SAMSN1: variants seen among roughly 807,000 people sequenced by gnomAD.
SAMSN1 encodes the protein SAM domain, SH3 domain and nuclear localization signals 1.
In SAMSN1, 31 loss-of-function variants were observed where a neutral mutation model predicts 42.0. The observed-to-expected ratio is 0.74, with a 90% CI of 0.55 to 1.00. The LOEUF is 1.00. Ranked by LOEUF, SAMSN1 falls within the 50% of genes least tolerant of loss-of-function variation. The probability of loss-of-function intolerance (pLI) is 0.00; values close to 1 mark genes in which losing one functional copy is unlikely to be tolerated. For synonymous variants in SAMSN1, 178 were observed against 151.9 expected (o/e 1.17, Z -1.26); for missense variants, 464 against 439.4 (o/e 1.06, Z -0.50).
At chr21:14,556,707 A>G (rs1980773118) in intron 2 of SAMSN1, among the ~76,000 whole-genome samples, 1 of 152,196 alleles carries the variant, frequency 6.6e-6, no homozygotes. Flanking sequence ...TCGGAAGCCT[A>G]CCTGCATTCT....
chr21:14,572,560 G>A (rs1034655951), intron 2 of SAMSN1, among the ~76,000 whole-genome samples: 1 of 152,188 alleles, frequency 6.6e-6, no homozygotes, highest in Admixed American at 6.6e-5. Context: ...TGCTGTTTGG[G>A]ATCTCAGGTA....
intron 1 of SAMSN1, among the ~76,000 whole-genome samples, chr21:14,539,170 C>T (rs1568797133): frequency 6.6e-6 from 1 of 152,286 alleles, no homozygotes; most frequent in Non-Finnish European, 1.5e-5. Context: ...AAATGAGTTA[C>T]AGTTGTACTG....
At position 14,622,386 on chromosome 21, in the gene SAMSN1, C is replaced by T. The variant is rs533456199; in HGVS notation, c.157-6370G>A. On this transcript the variant is annotated intron_variant, in intron 2 of 15. Coordinates refer to the SAMSN1 transcript ENST00000647101. Reference sequence around the variant, plus strand: ...CTAAAAAGCTTGGGAAAAGATTAGACGAATGGCTAACTAGAATAACCAGTG... The same window carrying T: ...CTAAAAAGCTTGGGAAAAGATTAGATGAATGGCTAACTAGAATAACCAGTG... Among the ~76,000 whole-genome samples the T allele has an allele frequency of 5.3e-5, 8 of 152,046 alleles. No individual in the cohort carries two copies. In the East Asian group the frequency reaches 5.8e-4, roughly 11 times the overall value.
intron 2 of SAMSN1, among the ~76,000 whole-genome samples, chr21:14,554,698 C>CTTTTTTTTT (rs34880996): frequency 7.7e-6 from 1 of 130,536 alleles, no homozygotes; most frequent in Non-Finnish European, 1.6e-5. Flanking sequence ...TTTTCTTTTT[C>CTTTTTTTTT]TTTTTTTTTT....
intron 2 of SAMSN1, among the ~76,000 whole-genome samples, chr21:14,566,212 C>T (rs1981110373): frequency 6.6e-6 from 1 of 152,158 alleles, no homozygotes; most frequent in South Asian, 2.1e-4. Flanking sequence ...ACAAATATAG[C>T]TATCAAATTT....
At chr21:14,541,252 C>T (rs937069460) in intron 1 of SAMSN1, among the ~76,000 whole-genome samples, 2 of 151,698 alleles carry the variant, frequency 1.3e-5, no homozygotes, top group Admixed American at 1.3e-4. Flanking sequence ...GCACATGTAC[C>T]CTAGAACTTA....
chr21:14,641,410 G>A (rs1251243102), intron 2 of SAMSN1, among the ~76,000 whole-genome samples: 2 of 152,062 alleles, frequency 1.3e-5, no homozygotes, highest in Non-Finnish European at 2.9e-5. Context: ...GAACAAAATA[G>A]GTATATGTGA....
rs560161039 is a variant in SAMSN1, at chr21:14,618,696, G to A, written c.157-2680C>T. Among the ~76,000 whole-genome samples the A allele has an allele frequency of 2.8e-3, 340 of 122,404 alleles. 4 individuals are homozygous for A. In the East Asian group the frequency reaches 0.028, roughly 10 times the overall value. The allele number at this position is 122,404 out of a possible 152,430, so 80.3% of individuals were successfully genotyped here. On this transcript the variant is annotated intron_variant, in intron 2 of 15. Coordinates refer to the SAMSN1 transcript ENST00000647101. ...TGTGTGTGTGTGTGTGTGTGTGCGC[G>A]CGCGCGCACGCGCGTGTGTGTGTGT...
rs796203283 is a variant in SAMSN1, at chr21:14,611,867, A to G, written c.235+1009T>C. 2.4e-4 allele frequency among the ~76,000 whole-genome samples: 37 copies of G among 152,326 alleles called. 1 individual carries two copies. The highest frequency in any genetic ancestry group is 8.9e-4 in the African/African-American group (37 of 41,584). The stretch of plus-strand genomic sequence containing the variant: ...GTTTTTAAAAAAGAATGAAATGAGT[A>G]TGAGCACCTGACTCCTCTGCTGGGG... On this transcript the variant is annotated intron_variant, in intron 4 of 15. Transcript: ENST00000647101.
chr21:14,624,762 C>T (rs1446727777), intron 2 of SAMSN1, among the ~76,000 whole-genome samples: 1 of 152,142 alleles, frequency 6.6e-6, no homozygotes, highest in Non-Finnish European at 1.5e-5. Flanking sequence ...AGGGAATCCT[C>T]CCTAACTCAT....
chr21:14,553,103 G>A (rs1039336853), intron 2 of SAMSN1, among the ~76,000 whole-genome samples: 1 of 151,068 alleles, frequency 6.6e-6, no homozygotes, highest in Admixed American at 6.6e-5. Context: ...ATATTTTCTT[G>A]ATTTATGCAT....
intron 5 of SAMSN1, among the ~76,000 whole-genome samples, chr21:14,606,973 T>A (rs889749673): frequency 6.6e-6 from 1 of 152,212 alleles, no homozygotes; most frequent in African/African-American, 2.4e-5. Context: ...ATTAATATAA[T>A]GTGTTAATGT....
chr21:14,525,609 G>A (rs896393787), intron 1 of SAMSN1, among the ~76,000 whole-genome samples: 32 of 152,224 alleles, frequency 2.1e-4, no homozygotes, highest in African/African-American at 7.7e-4. Flanking sequence ...TGATGTTAAG[G>A]AAGTAATGTT....
At chr21:14,596,927 G>C (rs749111835) in intron 6 of SAMSN1, among the ~76,000 whole-genome samples, 1 of 152,056 alleles carries the variant, frequency 6.6e-6, no homozygotes, top group Non-Finnish European at 1.5e-5. Flanking sequence ...TTTGTTTTAA[G>C]CCCCTAAATT....
chr21:14,650,150 C>A (rs1983807350), intron 1 of SAMSN1, among the ~76,000 whole-genome samples: 1 of 152,064 alleles, frequency 6.6e-6, no homozygotes, highest in African/African-American at 2.4e-5. Context: ...AGAAAATCAA[C>A]AAAGAAACAT....
intron 1 of SAMSN1, among the ~76,000 whole-genome samples, chr21:14,582,826 C>T (rs1198219001): frequency 6.6e-6 from 1 of 150,660 alleles, no homozygotes; most frequent in African/African-American, 2.5e-5. Context: ...TCTTATGTTT[C>T]TATTCTTAAA....
intron 1 of SAMSN1, 46 bp from the exon 2 acceptor site, chr21:14,521,267 T>A: frequency 2.9e-6 from 4 of 1,368,540 alleles, no homozygotes; most frequent in Non-Finnish European, 4.1e-6. Flanking sequence ...GAATTTATTT[T>A]CACTGTCCAA....
chr21:14,525,985 C>T (rs144285393), intron 1 of SAMSN1, among the ~76,000 whole-genome samples: 6 of 152,026 alleles, frequency 3.9e-5, no homozygotes, highest in Admixed American at 2.0e-4. Flanking sequence ...CTGCCTCAGC[C>T]CCCCCGAGTA....
At chr21:14,602,126 C>G (rs779218665) in intron 5 of SAMSN1, 2 of 587,952 alleles carry the variant, frequency 3.4e-6, no homozygotes, top group South Asian at 4.3e-5. Flanking sequence ...CTGTTACATA[C>G]AGAATATCAG....
Sources: gnomAD v4.1 joint callset for allele counts (sites outside exome capture counted in the v4.1 genomes callset) on GRCh38, gnomAD v4.1.1 for gene constraint, MANE v1.5 for transcripts, NCBI Gene and HGNC (gene_info 2026-07-23, HGNC 2026-07-21) for gene names.